RSPH14: variants seen among roughly 807,000 people sequenced by gnomAD.
RSPH14 encodes rhabdoid tumor deletion region gene 1.
Under a neutral mutation model 26.7 loss-of-function variants are expected in RSPH14, and 20 were observed. The observed-to-expected ratio is 0.75, with a 90% CI of 0.53 to 1.09. RSPH14 has a LOEUF of 1.09. Among genes scored for constraint, RSPH14 ranks in the 50% least tolerant of loss-of-function variants. RSPH14 has a pLI of 0.00. For synonymous variants in RSPH14, 177 were observed against 189.3 expected, an observed-to-expected ratio of 0.93 and a Z score of 0.53; for missense variants, 449 against 457.2, an observed-to-expected ratio of 0.98 and a Z score of 0.16.
upstream of RSPH14, chr22:23,145,215 C>T (rs58367083): frequency 7.9e-3 from 5,926 of 750,866 alleles, 260 homozygotes; most frequent in African/African-American, 0.088. Context: ...CCACCCAGGG[C>T]TCAGGCTCCG....
chr22:23,157,815 G>A, the RSPH14 span, among the ~76,000 whole-genome samples: 2 of 152,210 alleles, frequency 1.3e-5, no homozygotes, highest in Admixed American at 1.3e-4. Context: ...GGAGGGTCCC[G>A]GTGGGGGACA....
At chr22:23,158,391 G>A in the RSPH14 span, among the ~76,000 whole-genome samples, 2 of 152,262 alleles carry the variant, frequency 1.3e-5, no homozygotes, top group Non-Finnish European at 2.9e-5. Flanking sequence ...TGTGGGCCCT[G>A]AAAACTGTAT....
intron 4 of RSPH14, among the ~76,000 whole-genome samples, chr22:23,117,989 TG>T (rs2069900384): frequency 6.6e-6 from 1 of 152,200 alleles, no homozygotes; most frequent in Admixed American, 6.5e-5. Context: ...GCCAGCAGTC[TG>T]GCAGCCACGT....
the RSPH14 span, chr22:23,161,485 C>A: frequency 6.2e-7 from 1 of 1,600,188 alleles, no homozygotes; most frequent in Non-Finnish European, 8.6e-7. Context: ...TAAATTACTT[C>A]TCCCCTCCTT....
chr22:23,146,679 C>T (rs758848844), upstream of RSPH14: 88 of 1,613,776 alleles, frequency 5.5e-5, no homozygotes, highest in Non-Finnish European at 6.9e-5. Context: ...TCGCCAGCTT[C>T]CCTAAGGTAG....
intron 4 of RSPH14, chr22:23,131,761 A>G (rs1482358476): frequency 1.8e-6 from 1 of 569,694 alleles, no homozygotes; most frequent in East Asian, 6.8e-5. Context: ...GGGGCTCTCA[A>G]CCCTGGGGCA....
chr22:23,157,951 G>A, the RSPH14 span: 12 of 1,613,510 alleles, frequency 7.4e-6, no homozygotes, highest in African/African-American at 5.3e-5. Context: ...TGCTCGCCTC[G>A]CCTGGCACTG....
At chr22:23,104,560 G>C (rs1299748149) in intron 4 of RSPH14, among the ~76,000 whole-genome samples, 1 of 152,200 alleles carries the variant, frequency 6.6e-6, no homozygotes, top group Non-Finnish European at 1.5e-5. Context: ...GAACAGCTCT[G>C]GGTTTTAAGA....
At chr22:23,059,814 A>C (rs2068053967) in intron 6 of RSPH14, 96 bp from the exon 7 acceptor site, 1 of 1,336,010 alleles carries the variant, frequency 7.5e-7, no homozygotes, top group Admixed American at 2.4e-5. Context: ...CTCCTTGTGC[A>C]GTCTCAAGGG....
At chr22:23,116,343 G>C (rs2069835640) in intron 4 of RSPH14, among the ~76,000 whole-genome samples, 1 of 152,256 alleles carries the variant, frequency 6.6e-6, no homozygotes. Flanking sequence ...CTGTCCGCCT[G>C]AGGGGCCCAG....
Position 23,083,798 on chromosome 22 carries a change from C to T in RSPH14, c.422-19665G>A, listed in dbSNP as rs149825810. ...AAGTCCAGTCCCACTGCCGAACCAG[C>T]GGCACACCACACCTGTTCAAGGTCG... On this transcript the variant is annotated intron_variant, in intron 4 of 6. Coordinates refer to ENST00000216036, the MANE Select transcript of RSPH14 (RefSeq NM_014433.3). Among the ~76,000 whole-genome samples, 596 of 152,326 alleles carry T rather than the reference C, an allele frequency of 3.9e-3. 5 individuals carry two copies. The highest frequency in any genetic ancestry group is 0.02 in the East Asian group (105 of 5,184).
chr22:23,084,434 TG>T (rs1331917448), intron 4 of RSPH14, among the ~76,000 whole-genome samples: 20 of 152,168 alleles, frequency 1.3e-4, no homozygotes, highest in Middle Eastern at 6.8e-3. Flanking sequence ...TTCAGCAGGT[TG>T]GGGGAAGTCA....
At chr22:23,112,030 G>A (rs2069672289) in intron 4 of RSPH14, among the ~76,000 whole-genome samples, 1 of 152,180 alleles carries the variant, frequency 6.6e-6, no homozygotes, top group Non-Finnish European at 1.5e-5. Context: ...CAGCAAGACT[G>A]GAGCCTTGGG....
the RSPH14 span, chr22:23,161,425 A>T: frequency 3.0e-4 from 396 of 1,304,136 alleles, no homozygotes; most frequent in African/African-American, 5.0e-3. Flanking sequence ...TCTGACTGTC[A>T]GGGCCGGCAT....
intron 4 of RSPH14, among the ~76,000 whole-genome samples, chr22:23,081,659 T>C (rs1046340337): frequency 6.6e-6 from 1 of 151,664 alleles, no homozygotes; most frequent in Non-Finnish European, 1.5e-5. Context: ...CTGTCTCTAC[T>C]AAAAATACAA....
At chr22:23,158,992 G>A in the RSPH14 span, 1 of 1,613,286 alleles carries the variant, frequency 6.2e-7, no homozygotes, top group South Asian at 1.1e-5. Flanking sequence ...GAGCAGAGTG[G>A]CACTGGTGGT....
chr22:23,111,053 G>C (rs1288661638), intron 4 of RSPH14, among the ~76,000 whole-genome samples: 6 of 152,228 alleles, frequency 3.9e-5, no homozygotes, highest in Non-Finnish European at 8.8e-5. Context: ...TGGGATTCCA[G>C]CAGGCGATCA....
intron 4 of RSPH14, among the ~76,000 whole-genome samples, chr22:23,077,239 A>G (rs1205304585): frequency 6.6e-6 from 1 of 152,118 alleles, no homozygotes; most frequent in Non-Finnish European, 1.5e-5. Context: ...CACTGATGCT[A>G]ACCCCTTATT....
intron 4 of RSPH14, among the ~76,000 whole-genome samples, chr22:23,116,089 C>A (rs1262121468): frequency 6.6e-6 from 1 of 152,272 alleles, no homozygotes; most frequent in Non-Finnish European, 1.5e-5. Context: ...CATGTGCTCA[C>A]CACGTGCCCA....
Sources: gnomAD v4.1 joint callset for allele counts (sites outside exome capture counted in the v4.1 genomes callset) on GRCh38, gnomAD v4.1.1 for gene constraint, MANE v1.5 for transcripts, NCBI Gene and HGNC (gene_info 2026-07-23, HGNC 2026-07-21) for gene names.